ERBB4: variants seen among roughly 807,000 people sequenced by gnomAD.
ERBB4 encodes the protein receptor tyrosine-protein kinase erbB-4.
Under a neutral mutation model 158.0 loss-of-function variants are expected in ERBB4, and 42 were observed. That is an observed-to-expected ratio of 0.27 (90% CI 0.21 to 0.34). ERBB4 has a LOEUF of 0.34. Among genes scored for constraint, ERBB4 ranks in the 10% least tolerant of loss-of-function variants. The pLI, the probability that ERBB4 is intolerant of heterozygous loss-of-function variation, is 1.00. For missense variants in ERBB4, 1,333 were observed against 1,624.1 expected (o/e 0.82, Z 3.08); for synonymous variants, 583 against 558.7 (o/e 1.04, Z -0.61).
intron 1 of ERBB4, among the ~76,000 whole-genome samples, chr2:212,275,883 A>G (rs1343805787): frequency 7.9e-5 from 12 of 151,912 alleles, no homozygotes; most frequent in Non-Finnish European, 1.8e-4. Flanking sequence ...ACAGACTGGC[A>G]AATTGGATGA....
intron 20 of ERBB4, among the ~76,000 whole-genome samples, chr2:211,487,833 T>C (rs1258926994): frequency 6.6e-6 from 1 of 152,046 alleles, no homozygotes; most frequent in Non-Finnish European, 1.5e-5. Flanking sequence ...CAATAACCAC[T>C]GGCCAGAGTA....
chr2:212,310,534 TG>T (rs1160844257), intron 1 of ERBB4, among the ~76,000 whole-genome samples: 4 of 150,660 alleles, frequency 2.7e-5, no homozygotes, highest in Non-Finnish European at 6.0e-5. Flanking sequence ...CAATTTACTT[TG>T]TCTGGCAGCT....
chr2:211,712,050 C>T lies in ERBB4; in HGVS notation c.1124G>A (p.Gly375Glu). ...NLIFLVTGIH[G>E]DPYNAIEAID... ...ACTTGCACAAAAATTTAATACTGAC[C>T]CATGAATACCAGTGACTAGAAAGAT... Residue 375 changes from glycine (G) to glutamate (E), a missense_variant and splice_region_variant, in exon 9 of 28, where the codon GGG becomes GAG. Coordinates refer to ENST00000342788, the MANE Select transcript of ERBB4 (RefSeq NM_005235.3). 6.2e-7 allele frequency: 1 copy of T among 1,610,990 alleles called. No individual in the cohort carries two copies. Among genetic ancestry groups the T allele is most frequent in the Non-Finnish European group, 8.5e-7 (1 of 1,177,470 alleles).
chr2:211,979,188 G>T (rs374927507), intron 2 of ERBB4, among the ~76,000 whole-genome samples: 1 of 152,218 alleles, frequency 6.6e-6, no homozygotes, highest in East Asian at 1.9e-4. Flanking sequence ...GGAATAACAT[G>T]AGTTATGTTT....
At chr2:212,306,638 A>G (rs1305630598) in intron 1 of ERBB4, among the ~76,000 whole-genome samples, 1 of 151,346 alleles carries the variant, frequency 6.6e-6, no homozygotes, top group African/African-American at 2.4e-5. Flanking sequence ...ATTAAACTGC[A>G]TATCCTAACA....
intron 3 of ERBB4, among the ~76,000 whole-genome samples, chr2:211,835,580 T>C (rs1192362487): frequency 1.3e-5 from 2 of 152,036 alleles, no homozygotes; most frequent in South Asian, 2.1e-4. Context: ...ATTCAGTAAA[T>C]AGAGTCATGG....
Position 212,179,385 on chromosome 2 carries a change from C to T in ERBB4, c.83-54482G>A, listed in dbSNP as rs574472977. ...ACTATACTAAGCACTGAGAGTACTCCAAACAAATAGTAAAGAATAGGCTAT... is the reference window on the plus strand; with the variant it reads ...ACTATACTAAGCACTGAGAGTACTCTAAACAAATAGTAAAGAATAGGCTAT... On this transcript the variant is annotated intron_variant, in intron 1 of 27. Transcript: ENST00000342788. Among the ~76,000 whole-genome samples the T allele has an allele frequency of 1.2e-3, 178 of 150,088 alleles. 2 individuals are homozygous for T. Among genetic ancestry groups the T allele is most frequent in the African/African-American group, 4.2e-3 (172 of 40,978 alleles).
At chr2:211,655,118 C>A (rs1225684592) in intron 16 of ERBB4, among the ~76,000 whole-genome samples, 2 of 152,130 alleles carry the variant, frequency 1.3e-5, no homozygotes, top group Admixed American at 6.5e-5. Context: ...TAACCTTTCT[C>A]TGCCTCTACA....
intron 3 of ERBB4, among the ~76,000 whole-genome samples, chr2:211,790,476 A>G (rs774779528): frequency 4.6e-5 from 7 of 152,096 alleles, no homozygotes; most frequent in Non-Finnish European, 8.8e-5. Flanking sequence ...ATTATATTAT[A>G]CTGAATAATA....
At chr2:212,337,285 T>C (rs1227299509) in intron 1 of ERBB4, among the ~76,000 whole-genome samples, 1 of 152,064 alleles carries the variant, frequency 6.6e-6, no homozygotes, top group African/African-American at 2.4e-5. Context: ...GCAAACGAAT[T>C]AGCTGTGTTC....
chr2:212,050,688 T>C (rs975665525), intron 2 of ERBB4, among the ~76,000 whole-genome samples: 1 of 152,242 alleles, frequency 6.6e-6, no homozygotes, highest in African/African-American at 2.4e-5. Context: ...GTCTTAATTA[T>C]CTGTGCTAGT....
At chr2:211,889,236 T>A (rs2078896897) in intron 3 of ERBB4, among the ~76,000 whole-genome samples, 1 of 144,934 alleles carries the variant, frequency 6.9e-6, no homozygotes, top group South Asian at 2.1e-4. Flanking sequence ...AGTGGGTCCC[T>A]GACCCCTGAC....
At chr2:211,569,643 T>C (rs1030135012) in intron 19 of ERBB4, among the ~76,000 whole-genome samples, 6 of 152,182 alleles carry the variant, frequency 3.9e-5, no homozygotes, top group African/African-American at 9.7e-5. Flanking sequence ...AACAAAGTCA[T>C]ATATATAAAT....
At chr2:211,881,445 G>A (rs1353328261) in intron 3 of ERBB4, among the ~76,000 whole-genome samples, 1 of 152,094 alleles carries the variant, frequency 6.6e-6, no homozygotes, top group Admixed American at 6.6e-5. Flanking sequence ...TGGCAGCTGC[G>A]CCAATAGAGA....
intron 1 of ERBB4, among the ~76,000 whole-genome samples, chr2:212,257,745 C>T (rs766799256): frequency 6.6e-6 from 1 of 152,024 alleles, no homozygotes; most frequent in African/African-American, 2.4e-5. Context: ...AACTTCTTTG[C>T]ACTTTGTAAT....
rs1032396062 is a variant in ERBB4 at position 211,466,582 on chromosome 2, T to A, written c.2488-35482A>T. 3.9e-5 allele frequency among the ~76,000 whole-genome samples: 6 copies of A among 152,222 alleles called. No individual in the cohort carries two copies. In the East Asian group the frequency reaches 5.8e-4, roughly 15 times the overall value. On this transcript the variant is annotated intron_variant, in intron 20 of 27. Coordinates refer to ENST00000342788, the MANE Select transcript of ERBB4 (RefSeq NM_005235.3). Reference sequence around the variant, plus strand: ...TATCAACAACTGAGTTCAGTATGCCTGAAACACTCTGTGGGTGGCAGAAAT... The same window carrying A: ...TATCAACAACTGAGTTCAGTATGCCAGAAACACTCTGTGGGTGGCAGAAAT...
At chr2:211,781,572 T>G (rs527912653) in intron 4 of ERBB4, among the ~76,000 whole-genome samples, 2 of 152,282 alleles carry the variant, frequency 1.3e-5, no homozygotes, top group African/African-American at 4.8e-5. Context: ...AAAACACACT[T>G]AAAATGTAGA....
chr2:212,295,216 C>A, intron 1 of ERBB4, among the ~76,000 whole-genome samples: 1 of 152,156 alleles, frequency 6.6e-6, no homozygotes, highest in South Asian at 2.1e-4. Flanking sequence ...TTGCTATTTA[C>A]ATAATAGAAC....
At chr2:212,342,411 C>A (rs2088766799) in intron 1 of ERBB4, among the ~76,000 whole-genome samples, 1 of 152,106 alleles carries the variant, frequency 6.6e-6, no homozygotes, top group Admixed American at 6.6e-5. Context: ...AGTTCCCCTG[C>A]ATACACTCTC....
Sources: allele counts gnomAD v4.1 joint callset (sites outside exome capture counted in the v4.1 genomes callset), GRCh38; gene constraint gnomAD v4.1.1; transcripts MANE v1.5; gene names NCBI Gene and HGNC (gene_info 2026-07-23, HGNC 2026-07-21).